PLCH1: variants seen among roughly 807,000 people sequenced by gnomAD.
PLCH1 encodes the protein phospholipase C eta 1, also known as 1-phosphatidylinositol 4,5-bisphosphate phosphodiesterase eta-1.
A neutral mutation model predicts 126.7 loss-of-function variants in PLCH1; 60 were observed. The ratio of observed to expected loss-of-function variants is 0.47; its 90% confidence interval spans 0.38 to 0.59. The LOEUF (loss-of-function observed/expected upper bound fraction) is 0.59. Among genes scored for constraint, PLCH1 ranks in the 20% least tolerant of loss-of-function variants. The pLI is 0.00. For synonymous variants in PLCH1, 719 were observed against 734.9 expected (o/e 0.98, Z 0.35); for missense variants, 1,723 against 2,040.0 (o/e 0.84, Z 2.99).
intron 1 of PLCH1, among the ~76,000 whole-genome samples, chr3:155,727,982 G>A (rs1376780983): frequency 6.6e-6 from 1 of 151,472 alleles, no homozygotes; most frequent in Non-Finnish European, 1.5e-5. Flanking sequence ...CTTCTCAGAT[G>A]TCTCACTCTC....
At chr3:155,522,713 T>C (rs1354650546) in intron 11 of PLCH1, among the ~76,000 whole-genome samples, 2 of 6,790 alleles carry the variant, frequency 2.9e-4, no homozygotes. Context: ...TCTCTCTCTT[T>C]TTTTTTTTTT....
chr3:155,465,486 G>T (rs1376288398), intron 21 of PLCH1, among the ~76,000 whole-genome samples: 3 of 152,062 alleles, frequency 2.0e-5, no homozygotes, highest in African/African-American at 7.2e-5. Context: ...CGATACCTAG[G>T]TATTATGTCA....
chr3:155,461,781 C>T (rs1429770709), intron 21 of PLCH1, among the ~76,000 whole-genome samples: 1 of 152,206 alleles, frequency 6.6e-6, no homozygotes, highest in Non-Finnish European at 1.5e-5. Context: ...AGGCTCTTGA[C>T]AATCAGGTAG....
In PLCH1 at chr3:155,559,952, C is replaced by T. The variant is rs529291956; in HGVS notation, c.1069+4963G>A. 3.3e-5 allele frequency among the ~76,000 whole-genome samples: 5 copies of T among 152,252 alleles called. No individual in the cohort carries two copies. The East Asian group carries it at 9.6e-4, about 29-fold the overall frequency. On this transcript the variant is annotated intron_variant, in intron 8 of 22. Coordinates refer to ENST00000460012, the MANE Select transcript of PLCH1 (RefSeq NM_014996.4). ...GAATTATCTTAATCAGATAACTTTC[C>T]TTCTTAATACCCCAAACAAAGCTGG...
intron 21 of PLCH1, among the ~76,000 whole-genome samples, chr3:155,465,414 C>G (rs1712890967): frequency 1.3e-5 from 2 of 152,042 alleles, no homozygotes; most frequent in Admixed American, 6.5e-5. Flanking sequence ...AGGAAAGGAC[C>G]AGTACCAGCA....
In PLCH1 at chr3:155,646,579, T is replaced by G. The variant is rs373011762; in HGVS notation, c.80-50201A>C. On this transcript the variant is annotated intron_variant, in intron 2 of 22. Transcript: ENST00000460012. ...ATTCAACTCCATAATGAGAGTTCCCTAAAGTCCTTGAGTAAAACTGCCCTT... is the reference window on the plus strand; with the variant it reads ...ATTCAACTCCATAATGAGAGTTCCCGAAAGTCCTTGAGTAAAACTGCCCTT... Among the ~76,000 whole-genome samples, 16 of 152,362 alleles carry G rather than the reference T, an allele frequency of 1.1e-4. No individual in the cohort carries two copies. In the East Asian group the frequency reaches 1.7e-3, roughly 17 times the overall value.
At chr3:155,573,688 G>A (rs1729552422) in intron 6 of PLCH1, among the ~76,000 whole-genome samples, 1 of 152,266 alleles carries the variant, frequency 6.6e-6, no homozygotes, top group East Asian at 1.9e-4. Context: ...TCCAGAACCT[G>A]TACATCAGTC....
At chr3:155,512,587 C>T (rs1488806052) in intron 12 of PLCH1, among the ~76,000 whole-genome samples, 1 of 152,110 alleles carries the variant, frequency 6.6e-6, no homozygotes, top group Non-Finnish European at 1.5e-5. Flanking sequence ...ACGAAGTGTA[C>T]TATGGCCAAG....
rs368547522 is a variant in PLCH1 at position 155,530,314 on chromosome 3, C to T, written c.1363-6310G>A. 3.0e-3 allele frequency among the ~76,000 whole-genome samples: 450 copies of T among 151,630 alleles called. 1 individual carries two copies. Among genetic ancestry groups the T allele is most frequent in the South Asian group, 0.019 (93 of 4,800 alleles). ...AGTTTAATCATGAGATTGCAGCAAT[C>T]TTCAGGCTCCACTTCTTTTTTTTTT... On this transcript the variant is annotated intron_variant, in intron 10 of 22. Coordinates refer to ENST00000460012, the MANE Select transcript of PLCH1 (RefSeq NM_014996.4).
At chr3:155,490,553 T>A (rs1716027577) in intron 19 of PLCH1, among the ~76,000 whole-genome samples, 1 of 152,130 alleles carries the variant, frequency 6.6e-6, no homozygotes, top group Non-Finnish European at 1.5e-5. Context: ...AGAAAAAAAA[T>A]TTCCTTTAAA....
At chr3:155,556,389 C>T (rs538914103) in intron 8 of PLCH1, among the ~76,000 whole-genome samples, 48 of 152,264 alleles carry the variant, frequency 3.2e-4, no homozygotes, top group African/African-American at 1.1e-3. Context: ...ATTAGGACCA[C>T]ACAGTTGTGA....
At chr3:155,451,516 A>G (rs117586887) in intron 21 of PLCH1, among the ~76,000 whole-genome samples, 3 of 152,268 alleles carry the variant, frequency 2.0e-5, no homozygotes, top group African/African-American at 7.2e-5. Flanking sequence ...ATTTAGCTAA[A>G]CATTACTTAT....
chr3:155,553,908 C>A (rs1357709819), intron 9 of PLCH1, among the ~76,000 whole-genome samples, 168 bp downstream of exon 9: 1 of 152,146 alleles, frequency 6.6e-6, no homozygotes, highest in Non-Finnish European at 1.5e-5. Flanking sequence ...AACGGGAAGG[C>A]CACATTATTT....
intron 2 of PLCH1, among the ~76,000 whole-genome samples, chr3:155,702,833 CA>C (rs1039483162): frequency 1.3e-5 from 2 of 152,086 alleles, no homozygotes; most frequent in African/African-American, 4.8e-5. Context: ...ATACATAAAT[CA>C]AACACTGCAT....
chr3:155,514,640 A>T (rs1459584319), intron 12 of PLCH1, 83 bp downstream of exon 12: 1 of 865,974 alleles, frequency 1.2e-6, no homozygotes, highest in Non-Finnish European at 1.7e-6. Context: ...AAGTTGGAGG[A>T]GCATTTCACA....
chr3:155,575,026 G>A (rs1403267412), intron 6 of PLCH1, among the ~76,000 whole-genome samples: 1 of 151,950 alleles, frequency 6.6e-6, no homozygotes, highest in African/African-American at 2.4e-5. Context: ...AGCTTCTTGG[G>A]AGACTGAGGC....
At chr3:155,495,996 A>G (rs892826901) in intron 15 of PLCH1, among the ~76,000 whole-genome samples, 1 of 152,232 alleles carries the variant, frequency 6.6e-6, no homozygotes, top group Non-Finnish European at 1.5e-5. Flanking sequence ...ATAGGACTAT[A>G]ATCACTACTA....
chr3:155,703,325 C>G (rs1209891523), intron 2 of PLCH1, among the ~76,000 whole-genome samples: 1 of 152,166 alleles, frequency 6.6e-6, no homozygotes, highest in Non-Finnish European at 1.5e-5. Context: ...GCACTCCACT[C>G]CCCCTGAAAT....
chr3:155,727,992 CTT>C (rs1327578459), intron 1 of PLCH1, among the ~76,000 whole-genome samples: 3 of 152,154 alleles, frequency 2.0e-5, no homozygotes, highest in Middle Eastern at 6.8e-3. Flanking sequence ...GTCTCACTCT[CTT>C]GTCCCTTATG....
Sources: allele counts gnomAD v4.1 joint callset (sites outside exome capture counted in the v4.1 genomes callset), GRCh38; gene constraint gnomAD v4.1.1; transcripts MANE v1.5; gene names NCBI Gene and HGNC (gene_info 2026-07-23, HGNC 2026-07-21).